The following PCM1 variants were observed in gnomAD, a reference collection of about 807,000 sequenced individuals.
PCM1 encodes the protein pericentriolar material 1 protein.
PCM1 carries 157 observed loss-of-function variants against 241.9 expected under a neutral mutation model. The observed-to-expected ratio is 0.65, with a 90% CI of 0.57 to 0.74. The LOEUF is 0.74. Among genes scored for constraint, PCM1 ranks in the 30% least tolerant of loss-of-function variants. The probability of loss-of-function intolerance (pLI) is 0.00; values close to 1 mark genes in which losing one functional copy is unlikely to be tolerated. For missense variants in PCM1, 3,478 were observed against 2,360.1 expected, an observed-to-expected ratio of 1.47 and a Z score of -9.81; for synonymous variants, 1,085 against 784.9, an observed-to-expected ratio of 1.38 and a Z score of -6.39.
At chr8:17,985,883 T>C in intron 25 of PCM1, 76 bp from the exon 26 acceptor site, 2 of 1,058,446 alleles carry the variant, frequency 1.9e-6, no homozygotes, top group African/African-American at 1.6e-5. Context: ...TCTGCTTTTA[T>C]TTTTGAATCT....
Position 18,006,331 on chromosome 8 carries a change from C to G in PCM1, c.4896C>G (p.Thr1632=), listed in dbSNP as rs763997130. The G allele has an allele frequency of 7.4e-6, 12 of 1,612,710 alleles. No homozygotes were observed. In the South Asian group the frequency reaches 8.8e-5, roughly 12 times the overall value. Residue 1632 remains threonine (T), a synonymous_variant, in exon 30 of 39, where the codon ACC becomes ACG. Transcript: ENST00000325083. ...TSVRRMVLTL[T]QQNDESKEFV... ...TAAGGCGCATGGTTTTGACCCTTACCCAGCAAAATGATGAGAGCAAAGAGT... is the reference window on the plus strand; with the variant it reads ...TAAGGCGCATGGTTTTGACCCTTACGCAGCAAAATGATGAGAGCAAAGAGT...
chr8:17,980,016 C>T (rs951040635), intron 23 of PCM1, among the ~76,000 whole-genome samples: 140 of 149,972 alleles, frequency 9.3e-4, no homozygotes, highest in Non-Finnish European at 7.6e-4. Flanking sequence ...TATTTTAATT[C>T]AGTGGAAAGA....
intron 27 of PCM1, 133 bp from the exon 28 acceptor site, chr8:17,991,409 G>A (rs932755213): frequency 1.6e-6 from 1 of 635,774 alleles, no homozygotes; most frequent in Non-Finnish European, 2.7e-6. Flanking sequence ...TGCTCAAGTA[G>A]TATAGTGTGT....
Position 18,006,286 on chromosome 8 carries a change from C to G in PCM1, c.4851C>G (p.Ser1617=), listed in dbSNP as rs1309838805. 6.2e-7 allele frequency: 1 copy of G among 1,610,804 alleles called. No homozygotes were observed. Among genetic ancestry groups the G allele is most frequent in the East Asian group, 2.2e-5 (1 of 44,836 alleles). ...AGGAGCACATGGATGAAGTATGCTC[C>G]TCGCAGCTTCTAACTTCAGTAAGGC... The part of the protein sequence containing the change: ...FLKEHMDEVC[S]SQLLTSVRRM... Residue 1617 remains serine (S), a synonymous_variant, in exon 30 of 39, where the codon TCC becomes TCG. Transcript: ENST00000325083.
At chr8:18,021,555 G>C in intron 36 of PCM1, among the ~76,000 whole-genome samples, 1 of 152,090 alleles carries the variant, frequency 6.6e-6, no homozygotes, top group Non-Finnish European at 1.5e-5. Flanking sequence ...TTCCTTTATG[G>C]GGCTTTTCTG....
At chr8:17,954,218 G>A (rs968429961) in intron 9 of PCM1, among the ~76,000 whole-genome samples, 5 of 152,016 alleles carry the variant, frequency 3.3e-5, no homozygotes, top group South Asian at 2.1e-4. Context: ...ACCTGAGGTC[G>A]GGAGTTCGAG....
In PCM1 at chr8:17,969,627, A is replaced by C. The variant is rs2076190180; in HGVS notation, c.3463A>C (p.Asn1155His). Residue 1155 changes from asparagine (N) to histidine (H), a missense_variant, in exon 22 of 39, where the codon AAT becomes CAT. Coordinates refer to ENST00000325083, the MANE Select transcript of PCM1 (RefSeq NM_006197.4). ...FPSNFGDFSQ[N>H]ISTPSEQQQP... ...TTCTAATTTTGGAGATTTTTCTCAG[A>C]ATATCTCTACACCCAGTGAACAGCA... is the stretch of plus-strand genomic sequence containing the variant. 3 of 1,611,962 alleles carry C rather than the reference A, an allele frequency of 1.9e-6. No homozygotes were observed. Among genetic ancestry groups the C allele is most frequent in the East Asian group, 2.2e-5 (1 of 44,814 alleles).
chr8:17,936,482 T>C (rs2060463207), intron 3 of PCM1, among the ~76,000 whole-genome samples: 1 of 152,226 alleles, frequency 6.6e-6, no homozygotes. Flanking sequence ...TAAAAATGTT[T>C]TCTATTTGAA....
At chr8:17,978,034 C>T (rs2079362106) in intron 23 of PCM1, among the ~76,000 whole-genome samples, 2 of 152,010 alleles carry the variant, frequency 1.3e-5, no homozygotes, top group South Asian at 4.2e-4. Context: ...AAATATTGAA[C>T]AAATACACTT....
At chr8:17,978,442 A>C (rs1292680864) in intron 23 of PCM1, among the ~76,000 whole-genome samples, 2 of 152,092 alleles carry the variant, frequency 1.3e-5, no homozygotes, top group East Asian at 3.9e-4. Context: ...CCTGAATTCC[A>C]AGGAAAAAGT....
At chr8:18,013,584 G>T (rs1276197055) in intron 34 of PCM1, among the ~76,000 whole-genome samples, 2 of 152,152 alleles carry the variant, frequency 1.3e-5, no homozygotes, top group Admixed American at 1.3e-4. Context: ...TTACAGTTAT[G>T]AGGTGAATCT....
At chr8:17,935,350 C>T (rs185373848) in intron 2 of PCM1, among the ~76,000 whole-genome samples, 1 of 152,300 alleles carries the variant, frequency 6.6e-6, no homozygotes, top group Admixed American at 6.5e-5. Flanking sequence ...GACTGGTGCT[C>T]ACAAGGTATA....
At chr8:17,970,532 C>A (rs987958688) in intron 22 of PCM1, among the ~76,000 whole-genome samples, 4 of 151,658 alleles carry the variant, frequency 2.6e-5, no homozygotes, top group African/African-American at 9.7e-5. Flanking sequence ...TTTGTTGACT[C>A]CTTTTTTTTG....
intron 17 of PCM1, among the ~76,000 whole-genome samples, chr8:17,964,287 A>G (rs1259857079): frequency 1.3e-5 from 2 of 152,154 alleles, no homozygotes; most frequent in Non-Finnish European, 2.9e-5. Flanking sequence ...AACTCCCTCA[A>G]GCAAATGTTA....
At chr8:18,011,155 C>A in intron 32 of PCM1, 82 bp from the exon 33 acceptor site, 1 of 843,134 alleles carries the variant, frequency 1.2e-6, no homozygotes, top group Non-Finnish European at 1.7e-6. Flanking sequence ...AGATAATGAT[C>A]ATTATTAATA....
At chr8:17,990,346 T>C (rs922871752) in intron 27 of PCM1, among the ~76,000 whole-genome samples, 3 of 152,058 alleles carry the variant, frequency 2.0e-5, no homozygotes, top group Non-Finnish European at 2.9e-5. Flanking sequence ...TCAGGCCTCA[T>C]CTAATCATAT....
intron 6 of PCM1, among the ~76,000 whole-genome samples, chr8:17,946,861 G>GTGTA (rs2063981558): frequency 1.3e-5 from 2 of 151,790 alleles, no homozygotes; most frequent in East Asian, 3.9e-4. Context: ...GTGTGTGTGT[G>GTGTA]TGTGTGTGTG....
intron 9 of PCM1, among the ~76,000 whole-genome samples, chr8:17,954,945 A>T (rs899491172): frequency 2.4e-4 from 37 of 152,160 alleles, no homozygotes; most frequent in African/African-American, 8.9e-4. Context: ...CTGGAGCAAG[A>T]AAAGTTCCTT....
intron 21 of PCM1, among the ~76,000 whole-genome samples, chr8:17,967,536 G>C (rs1056309591): frequency 3.3e-5 from 5 of 151,462 alleles, no homozygotes; most frequent in African/African-American, 1.2e-4. Context: ...TCCAACTCCC[G>C]ACCTCAGGTG....
Sources: allele counts gnomAD v4.1 joint callset (sites outside exome capture counted in the v4.1 genomes callset), GRCh38; gene constraint gnomAD v4.1.1; transcripts MANE v1.5; gene names NCBI Gene and HGNC (gene_info 2026-07-23, HGNC 2026-07-21).